The following ARID1B variants were observed in gnomAD, a reference collection of about 807,000 sequenced individuals.
ARID1B encodes the protein AT-rich interactive domain-containing protein 1B.
In ARID1B, 30 loss-of-function variants were observed where a neutral mutation model predicts 212.3. The ratio of observed to expected loss-of-function variants is 0.14; its 90% CI spans 0.11 to 0.19. The LOEUF (loss-of-function observed/expected upper bound fraction) is 0.19. Among genes scored for constraint, ARID1B ranks in the 10% least tolerant of loss-of-function variants. The probability of loss-of-function intolerance (pLI) is 1.00; values close to 1 mark genes in which losing one functional copy is unlikely to be tolerated. For synonymous variants in ARID1B, 1,402 were observed against 1,301.7 expected (o/e 1.08, Z -1.66); for missense variants, 2,891 against 3,204.0 (o/e 0.90, Z 2.36).
Position 157,206,363 on chromosome 6 carries a change from A to T in ARID1B, c.5591A>T (p.Asp1864Val). The T allele has an allele frequency of 1.9e-6, 3 of 1,614,188 alleles. No individual in the cohort carries two copies. The highest frequency in any genetic ancestry group is 2.5e-6 in the Non-Finnish European group (3 of 1,180,034). The change falls in exon 20 of 20, where the codon GAC becomes GTC. Residue 1864 changes from aspartate (D) to valine (V), a missense_variant. This residue lies in a region of ARID1B where 332 missense variants were observed against 369.2 expected (regional missense o/e 0.90). Coordinates refer to ENST00000636930, the MANE Select transcript of ARID1B (RefSeq NM_001374828.1). The surrounding 1 kb of genome is among the most constrained non-coding windows in gnomAD (Gnocchi z 6.8). ...EEEDAECIDD[D>V]EEDEEDEEED... ...GAAGATGCTGAATGTATTGATGACG[A>T]CGAGGAAGACGAGGAGGATGAGGAG...
At chr6:156,874,435 C>G (rs1786385815) in intron 2 of ARID1B, among the ~76,000 whole-genome samples, 1 of 152,196 alleles carries the variant, frequency 6.6e-6, no homozygotes, top group African/African-American at 2.4e-5. Flanking sequence ...CACTGACTAT[C>G]AGCTGTATGC....
rs376951421 is a variant in ARID1B, at chr6:156,896,929, C to T, written c.1987-4447C>T. Among the ~76,000 whole-genome samples the T allele has an allele frequency of 2.2e-4, 34 of 152,230 alleles. 1 individual carries two copies. The East Asian group carries it at 6.0e-3, about 27-fold the overall frequency. On this transcript the variant is annotated intron_variant, in intron 2 of 19. Transcript: ENST00000636930. ...GAAGGAAAAAGGGGGAGAGGGTAAC[C>T]TTTGATCATTTCACTCATTTTGGAG...
At chr6:157,164,484 A>G (rs555834377) in intron 8 of ARID1B, among the ~76,000 whole-genome samples, 1 of 152,360 alleles carries the variant, frequency 6.6e-6, no homozygotes, top group African/African-American at 2.4e-5. Flanking sequence ...AAGTGTCTCA[A>G]GGAACCATTA....
chr6:157,076,199 C>A, intron 4 of ARID1B, among the ~76,000 whole-genome samples: 1 of 152,122 alleles, frequency 6.6e-6, no homozygotes. Context: ...GGTAGAATAT[C>A]AAAATAACCA....
At chr6:156,798,549 G>T (rs1321232834) in intron 1 of ARID1B, among the ~76,000 whole-genome samples, 1 of 152,280 alleles carries the variant, frequency 6.6e-6, no homozygotes, top group Non-Finnish European at 1.5e-5. Flanking sequence ...CTCGCTCCTT[G>T]TTGAGGGTGG....
At chr6:156,883,550 C>T (rs1353688300) in intron 2 of ARID1B, among the ~76,000 whole-genome samples, 1 of 152,126 alleles carries the variant, frequency 6.6e-6, no homozygotes, top group Non-Finnish European at 1.5e-5. Flanking sequence ...CCTCTGAACG[C>T]CATGTCTTCC....
At chr6:156,984,242 G>A (rs1777790138) in intron 4 of ARID1B, among the ~76,000 whole-genome samples, 2 of 152,152 alleles carry the variant, frequency 1.3e-5, no homozygotes, top group African/African-American at 4.8e-5. Flanking sequence ...TCCAGAATGA[G>A]GGAGCCATGG....
intron 1 of ARID1B, among the ~76,000 whole-genome samples, chr6:156,787,396 A>G (rs183572311): frequency 6.6e-6 from 1 of 152,294 alleles, no homozygotes; most frequent in Non-Finnish European, 1.5e-5. Context: ...CAGAATTCTT[A>G]GTATCTACTG....
chr6:157,105,126 C>T (rs996469406), intron 5 of ARID1B, among the ~76,000 whole-genome samples: 3 of 152,098 alleles, frequency 2.0e-5, no homozygotes, highest in African/African-American at 4.8e-5. Flanking sequence ...TGTTGGAATA[C>T]TTGGGGAGCC....
At chr6:157,125,388 G>A (rs1454383647) in intron 6 of ARID1B, among the ~76,000 whole-genome samples, 1 of 152,184 alleles carries the variant, frequency 6.6e-6, no homozygotes, top group Non-Finnish European at 1.5e-5. Flanking sequence ...GCTACAGATG[G>A]TTTGAAGAAG....
In ARID1B at chr6:157,059,205, A is replaced by AC. The variant is rs533032416; in HGVS notation, c.2248-25457_2248-25456insC. Among the ~76,000 whole-genome samples the AC allele has an allele frequency of 4.6e-5, 7 of 152,200 alleles. No homozygotes were observed. In the South Asian group the frequency reaches 8.3e-4, roughly 18 times the overall value. ...ATGAGAAAATGTGAAAGTGCTTGGA[A>AC]AATAGTAAATTGATGTATAAATGAA... On this transcript the variant is annotated intron_variant, in intron 4 of 19. Coordinates refer to ENST00000636930, the MANE Select transcript of ARID1B (RefSeq NM_001374828.1).
intron 1 of ARID1B, among the ~76,000 whole-genome samples, chr6:156,795,333 A>G (rs1367820523): frequency 1.3e-5 from 2 of 152,146 alleles, no homozygotes; most frequent in African/African-American, 2.4e-5. Context: ...GGAAGAGAGA[A>G]TAAGGGAAGG....
chr6:156,901,363 G>T lies in ARID1B; in HGVS notation c.1987-13G>T, dbSNP rs768891966. 6.2e-7 allele frequency: 1 copy of T among 1,614,060 alleles called. No individual in the cohort carries two copies. The highest frequency in any genetic ancestry group is 8.5e-7 in the Non-Finnish European group (1 of 1,180,022). On this transcript the variant is annotated splice_polypyrimidine_tract_variant and intron_variant, in intron 2 of 19. Transcript: ENST00000636930. The stretch of plus-strand genomic sequence containing the variant: ...TTTGACTTTCTCATTTGCTTTGCTT[G>T]ACTTTTTGACAGATGCCACCTCAGT...
chr6:156,778,924 G>A lies in ARID1B; in HGVS notation c.1244G>A (p.Gly415Glu). The change falls in exon 1 of 20, where the codon GGA (glycine) becomes GAA (glutamate). Residue 415 changes from glycine to glutamate, a missense_variant. Gly to Glu is a moderately conservative substitution (Grantham distance 98). Transcript: ENST00000636930. ...GGGGGGGAGAGGAGAGAVAAA... is the reference protein window; with the variant it reads ...GGGGGGGAGAEGAGAGAVAAA... Reference sequence around the variant, plus strand: ...GGAGGAGGAGGAGGAGCAGGAGCAGGAGGAGCAGGAGCGGGAGCTGTGGCG... The same window carrying A: ...GGAGGAGGAGGAGGAGCAGGAGCAGAAGGAGCAGGAGCGGGAGCTGTGGCG... 1 of 1,322,116 alleles carries A rather than the reference G, an allele frequency of 7.6e-7. No individual in the cohort carries two copies. Among genetic ancestry groups the A allele is most frequent in the Non-Finnish European group, 9.6e-7 (1 of 1,041,680 alleles). The allele number at this position is 1,322,116 out of a possible 1,614,324, so 81.9% of individuals were successfully genotyped here. A position where few individuals can be genotyped will look rare whatever the true frequency, so the allele number is the denominator to read the frequency against.
intron 4 of ARID1B, among the ~76,000 whole-genome samples, chr6:156,983,261 G>A (rs1416535531): frequency 1.3e-5 from 2 of 152,048 alleles, no homozygotes; most frequent in Non-Finnish European, 2.9e-5. Context: ...CAGGCTTGGT[G>A]GCAGGCGCCT....
rs797045272 is a variant in ARID1B at position 157,084,872 on chromosome 6, C to T, written c.2458C>T (p.Arg820Ter). ...CTCTCCTGTAGGAAGCAACCAGTCT[C>T]GATCTGGCCCAATCTCTCCTGCAAG... ...VGSPVGSNQS[R>*]SGPISPASIP... Residue 820 changes from arginine (R) to a stop codon, truncating the protein, a stop_gained, in exon 5 of 20, where the codon CGA (arginine) becomes TGA (stop). Transcript: ENST00000636930. LOFTEE classifies it high-confidence loss of function. 6.2e-7 allele frequency: 1 copy of T among 1,614,098 alleles called. No homozygotes were observed. Among genetic ancestry groups the T allele is most frequent in the Non-Finnish European group, 8.5e-7 (1 of 1,179,986 alleles).
At chr6:156,807,715 A>T (rs779509074) in intron 1 of ARID1B, among the ~76,000 whole-genome samples, 4 of 152,216 alleles carry the variant, frequency 2.6e-5, no homozygotes, top group Non-Finnish European at 5.9e-5. Context: ...TTTTCCTTAC[A>T]GAAAGTTCCT....
chr6:157,198,727 C>T, intron 16 of ARID1B, 84 bp from the exon 17 acceptor site: 1 of 1,197,460 alleles, frequency 8.4e-7, no homozygotes, highest in South Asian at 1.4e-5. Context: ...TTGAGGGAGT[C>T]AGGGTTCCAG....
intron 4 of ARID1B, chr6:157,022,436 G>A (rs1780375543): frequency 6.6e-6 from 1 of 152,236 alleles, no homozygotes; most frequent in Admixed American, 6.5e-5. Flanking sequence ...ATTAAATGCT[G>A]AAGAGTCTTG....
Sources: gnomAD v4.1 joint callset for allele counts (sites outside exome capture counted in the v4.1 genomes callset) on GRCh38, gnomAD v4.1.1 for gene constraint, gnomAD v4.1.1 regional missense constraint, Gnocchi (gnomAD v3.1) non-coding constraint, MANE v1.5 for transcripts, NCBI Gene and HGNC (gene_info 2026-07-23, HGNC 2026-07-21) for gene names.